Variants in SLC24A2 observed in about 807,000 individuals in gnomAD.
SLC24A2 encodes the protein solute carrier family 24 member 2, also known as sodium/potassium/calcium exchanger 2.
SLC24A2 carries 36 observed loss-of-function variants against 62.0 expected under a neutral mutation model. That is an observed-to-expected ratio of 0.58 (90% CI 0.44 to 0.77). SLC24A2 has a LOEUF of 0.77. SLC24A2 is among the 30% of genes least tolerant of loss of function. The probability of loss-of-function intolerance (pLI) is 0.00; values close to 1 mark genes in which losing one functional copy is unlikely to be tolerated. For synonymous variants in SLC24A2, 358 were observed against 294.0 expected, an observed-to-expected ratio of 1.22 and a Z score of -2.23; for missense variants, 846 against 817.9, an observed-to-expected ratio of 1.03 and a Z score of -0.42.
the SLC24A2 span, among the ~76,000 whole-genome samples, chr9:19,888,986 C>T: frequency 6.6e-6 from 1 of 152,142 alleles, no homozygotes; most frequent in East Asian, 1.9e-4. Flanking sequence ...CTGGTGGAGC[C>T]ACACACACCC....
At chr9:19,879,285 A>G in the SLC24A2 span, among the ~76,000 whole-genome samples, 1 of 152,074 alleles carries the variant, frequency 6.6e-6, no homozygotes, top group Non-Finnish European at 1.5e-5. Context: ...CCCCGAGAGG[A>G]GACTGATGGT....
rs774153578 is a variant in SLC24A2 at position 19,571,180 on chromosome 9, G to A, written c.1347+2171C>T. 1.7e-4 allele frequency among the ~76,000 whole-genome samples: 26 copies of A among 152,262 alleles called. No individual in the cohort carries two copies. The Middle Eastern group carries it at 0.014, about 80-fold the overall frequency. On this transcript the variant is annotated intron_variant, in intron 7 of 10. Transcript: ENST00000341998. ...GGCCTGCCTCCTGCTGCCACACGCT[G>A]CTTATCCATGTGGACATAAGCTGCT...
chr9:19,676,299 T>C (rs1819558531), intron 2 of SLC24A2, among the ~76,000 whole-genome samples: 1 of 152,214 alleles, frequency 6.6e-6, no homozygotes, highest in South Asian at 2.1e-4. Flanking sequence ...TCCTGGTATG[T>C]TCCTGCAGTA....
chr9:20,024,931 T>A, the SLC24A2 span, among the ~76,000 whole-genome samples: 1 of 152,166 alleles, frequency 6.6e-6, no homozygotes, highest in Non-Finnish European at 1.5e-5. Context: ...AATTCAGCCA[T>A]CTGGTCATCT....
the SLC24A2 span, among the ~76,000 whole-genome samples, chr9:20,019,651 A>G: frequency 6.6e-6 from 1 of 152,228 alleles, no homozygotes; most frequent in Non-Finnish European, 1.5e-5. Flanking sequence ...TATTCAGGAC[A>G]TAGGCATGGG....
At chr9:19,636,546 T>A (rs1818362448) in intron 2 of SLC24A2, among the ~76,000 whole-genome samples, 1 of 151,296 alleles carries the variant, frequency 6.6e-6, no homozygotes, top group Admixed American at 6.6e-5. Context: ...ATTATTCTCC[T>A]ACCTCAGCCT....
At chr9:20,076,854 AT>A in the SLC24A2 span, among the ~76,000 whole-genome samples, 2 of 37,280 alleles carry the variant, frequency 5.4e-5, no homozygotes, top group East Asian at 7.1e-4. Flanking sequence ...ATATATACAT[AT>A]CATATGTATA....
the SLC24A2 span, among the ~76,000 whole-genome samples, chr9:19,978,302 A>C: frequency 3.9e-5 from 6 of 152,198 alleles, no homozygotes; most frequent in Non-Finnish European, 5.9e-5. Flanking sequence ...GGCCACTTTT[A>C]TCAGTTCCTC....
At chr9:20,187,110 C>G in the SLC24A2 span, among the ~76,000 whole-genome samples, 6 of 152,176 alleles carry the variant, frequency 3.9e-5, no homozygotes, top group Admixed American at 6.5e-5. Flanking sequence ...CTATTCTCCC[C>G]CATCCCCATC....
chr9:19,578,420 C>T (rs1017169966), intron 5 of SLC24A2, among the ~76,000 whole-genome samples: 3 of 147,832 alleles, frequency 2.0e-5, no homozygotes, highest in Non-Finnish European at 3.0e-5. Context: ...CATTCCTCTT[C>T]TTTTTATCCT....
At chr9:19,905,823 T>A in the SLC24A2 span, among the ~76,000 whole-genome samples, 1 of 152,158 alleles carries the variant, frequency 6.6e-6, no homozygotes, top group Non-Finnish European at 1.5e-5. Flanking sequence ...GGAAAGAACA[T>A]AATTTGTATT....
the SLC24A2 span, among the ~76,000 whole-genome samples, chr9:19,959,205 A>G: frequency 4.6e-5 from 7 of 152,234 alleles, no homozygotes; most frequent in Non-Finnish European, 1.0e-4. Context: ...AGAGAAAAAG[A>G]GGGACCTGGG....
Position 19,545,117 on chromosome 9 carries a change from G to T in SLC24A2, c.1479+5020C>A, listed in dbSNP as rs9695798. Among the ~76,000 whole-genome samples, 941 of 152,120 alleles carry T rather than the reference G, an allele frequency of 6.2e-3. 11 individuals are homozygous for T. The highest frequency in any genetic ancestry group is 0.021 in the African/African-American group (883 of 41,504). The stretch of plus-strand genomic sequence containing the variant: ...TAGTCCCATATTTCTTGGAGGCTTT[G>T]TTTGATCCCTTTCATCCTTTTTTCT... On this transcript the variant is annotated intron_variant, in intron 8 of 10. Transcript: ENST00000341998.
chr9:19,607,570 T>G (rs1837023530), intron 4 of SLC24A2, among the ~76,000 whole-genome samples: 1 of 151,868 alleles, frequency 6.6e-6, no homozygotes, highest in Admixed American at 6.6e-5. Flanking sequence ...AATACAAAAA[T>G]TAGCCAGACA....
At chr9:19,659,501 T>C (rs781210442) in intron 2 of SLC24A2, among the ~76,000 whole-genome samples, 1 of 152,148 alleles carries the variant, frequency 6.6e-6, no homozygotes, top group Non-Finnish European at 1.5e-5. Flanking sequence ...TTCTGCTGGG[T>C]CCCTAACCTT....
At chr9:20,019,255 G>GAAAGA in the SLC24A2 span, among the ~76,000 whole-genome samples, 1 of 88,422 alleles carries the variant, frequency 1.1e-5, no homozygotes, top group Non-Finnish European at 2.3e-5. Context: ...GAAGGAAAGA[G>GAAAGA]AAAGAAAGAA....
chr9:20,299,719 T>C, the SLC24A2 span, among the ~76,000 whole-genome samples: 4 of 152,224 alleles, frequency 2.6e-5, no homozygotes, highest in Non-Finnish European at 4.4e-5. Context: ...CCTGGTCACC[T>C]ACTAGGCACT....
chr9:19,777,676 C>T (rs1296710189), intron 2 of SLC24A2, among the ~76,000 whole-genome samples: 2 of 151,956 alleles, frequency 1.3e-5, no homozygotes, highest in African/African-American at 4.8e-5. Flanking sequence ...CCAATATGTT[C>T]CTATTTATTT....
the SLC24A2 span, among the ~76,000 whole-genome samples, chr9:19,991,023 C>T: frequency 2.0e-4 from 21 of 103,364 alleles, 1 homozygote; most frequent in East Asian, 4.1e-3. Flanking sequence ...CATACACACA[C>T]ACATATATAC....
Sources: gnomAD v4.1 joint callset for allele counts (sites outside exome capture counted in the v4.1 genomes callset) on GRCh38, gnomAD v4.1.1 for gene constraint, MANE v1.5 for transcripts, NCBI Gene and HGNC (gene_info 2026-07-23, HGNC 2026-07-21) for gene names.